The following SLC30A8 variants were observed in gnomAD, a reference collection of about 807,000 sequenced individuals.
SLC30A8 encodes the protein solute carrier family 30 member 8.
Under a neutral mutation model 36.9 loss-of-function variants are expected in SLC30A8, and 27 were observed. The observed-to-expected ratio is 0.73, with a 90% confidence interval of 0.54 to 1.01. The LOEUF (loss-of-function observed/expected upper bound fraction) is 1.01, where lower values mean the gene tolerates loss of function less well. SLC30A8 is among the 50% of genes least tolerant of loss of function. SLC30A8 has a pLI of 0.00. For synonymous variants in SLC30A8, 164 were observed against 172.4 expected, an observed-to-expected ratio of 0.95 and a Z score of 0.38; for missense variants, 439 against 452.0, an observed-to-expected ratio of 0.97 and a Z score of 0.26.
chr8:117,152,951 C>T lies in SLC30A8; in HGVS notation c.279C>T (p.His93=). 2 of 1,602,344 alleles carry T rather than the reference C, an allele frequency of 1.2e-6. No homozygotes were observed. Among genetic ancestry groups the T allele is most frequent in the South Asian group, 1.1e-5 (1 of 89,358 alleles). The change falls in exon 3 of 8, where the codon CAC becomes CAT. Residue 93 remains histidine, a synonymous_variant. Transcript: ENST00000456015. ...CTATTTTGCATTCTCTAGGTGGGCA[C>T]ATTGCTGGGAGTCTTGCTGTTGTCA... The part of the protein sequence containing the change: ...IFMIAEVVGG[H]IAGSLAVVTD...
intron 2 of SLC30A8, among the ~76,000 whole-genome samples, chr8:117,070,356 C>A (rs995187455): frequency 1.3e-5 from 2 of 152,094 alleles, no homozygotes; most frequent in African/African-American, 4.8e-5. Flanking sequence ...TGGTGCTGAC[C>A]ACCCACAAAG....
At chr8:117,135,509 T>C (rs560496557) in intron 1 of SLC30A8, 111 bp downstream of exon 1, 1 of 651,018 alleles carries the variant, frequency 1.5e-6, no homozygotes, top group Admixed American at 2.9e-5. Flanking sequence ...GGGGGCACTC[T>C]GGAACATTTT....
chr8:117,101,855 C>G (rs1370840305), intron 2 of SLC30A8, among the ~76,000 whole-genome samples: 2 of 152,182 alleles, frequency 1.3e-5, no homozygotes, highest in African/African-American at 2.4e-5. Flanking sequence ...GACTTCCTTG[C>G]TTTTCAGCTT....
chr8:117,123,128 A>G (rs911272503), intron 2 of SLC30A8, among the ~76,000 whole-genome samples: 2 of 151,976 alleles, frequency 1.3e-5, no homozygotes, highest in Non-Finnish European at 2.9e-5. Flanking sequence ...ACCTCAGGTC[A>G]GGCTTCATCT....
At chr8:117,084,656 TG>T (rs1453492012) in intron 2 of SLC30A8, among the ~76,000 whole-genome samples, 1 of 152,098 alleles carries the variant, frequency 6.6e-6, no homozygotes, top group East Asian at 1.9e-4. Context: ...CCCGGACTTT[TG>T]TGTTTTTATA....
At chr8:117,002,196 T>C (rs1310878875) in intron 1 of SLC30A8, among the ~76,000 whole-genome samples, 3 of 152,228 alleles carry the variant, frequency 2.0e-5, no homozygotes, top group Non-Finnish European at 4.4e-5. Context: ...TAGCTGTCAA[T>C]TGAGAAAGTT....
At chr8:116,973,495 C>T (rs10113776) in intron 1 of SLC30A8, among the ~76,000 whole-genome samples, 51,190 of 151,788 alleles carry the variant, frequency 0.34, 9,190 homozygotes, top group East Asian at 0.54. Context: ...TGTGAAGGAC[C>T]TCTTCAGGGA....
Position 117,030,479 on chromosome 8 carries a change from T to C in SLC30A8, c.-265-8740T>C, listed in dbSNP as rs11992266. On this transcript the variant is annotated intron_variant, in intron 1 of 10. Transcript: ENST00000427715. ...TTTCCAATGTTCTTACCAGTTCTTT[T>C]TTTGAGTGAATCTAAGGCATGCTCA... is the stretch of plus-strand genomic sequence containing the variant. Among the ~76,000 whole-genome samples, 563 of 152,320 alleles carry C rather than the reference T, an allele frequency of 3.7e-3. 4 individuals are homozygous for C. The highest frequency in any genetic ancestry group is 0.012 in the African/African-American group (517 of 41,576).
At chr8:116,973,985 T>C (rs1041311944) in intron 1 of SLC30A8, among the ~76,000 whole-genome samples, 2 of 152,206 alleles carry the variant, frequency 1.3e-5, no homozygotes, top group African/African-American at 2.4e-5. Flanking sequence ...TGGCTAGCCA[T>C]ATGTAGAAAG....
chr8:117,097,718 T>G (rs1199013460), intron 2 of SLC30A8, among the ~76,000 whole-genome samples: 1 of 41,420 alleles, frequency 2.4e-5, no homozygotes, highest in Non-Finnish European at 3.3e-5. Context: ...AAATAATATA[T>G]ATTATATATA....
At chr8:117,075,940 C>A (rs369870968) in intron 2 of SLC30A8, among the ~76,000 whole-genome samples, 2 of 152,148 alleles carry the variant, frequency 1.3e-5, no homozygotes, top group African/African-American at 4.8e-5. Context: ...TATTCAGATA[C>A]ACAATATGGG....
chr8:117,167,631 C>CATAG (rs1823132179), intron 6 of SLC30A8, among the ~76,000 whole-genome samples: 1 of 152,036 alleles, frequency 6.6e-6, no homozygotes, highest in Non-Finnish European at 1.5e-5. Context: ...TTAGCACATA[C>CATAG]ATAGATATAC....
rs190169949 is a variant in SLC30A8, at chr8:116,956,548, A to G, written c.-266+5429A>G. Among the ~76,000 whole-genome samples, 6 of 152,366 alleles carry G rather than the reference A, an allele frequency of 3.9e-5. No individual in the cohort carries two copies. The East Asian group carries it at 1.2e-3, about 29-fold the overall frequency. ...TAAAAATCATGCTTACAACGAAAAT[A>G]CAATTCATTGGATTTAAAAGCATGT... On this transcript the variant is annotated intron_variant, in intron 1 of 10. Coordinates refer to the SLC30A8 transcript ENST00000427715.
chr8:117,172,447 T>C (rs1823429078), intron 7 of SLC30A8, 89 bp from the exon 8 acceptor site: 5 of 1,580,322 alleles, frequency 3.2e-6, no homozygotes, highest in Non-Finnish European at 4.3e-6. Context: ...CCCCAGCAGG[T>C]CAAAGACAAA....
intron 1 of SLC30A8, among the ~76,000 whole-genome samples, chr8:117,013,406 T>G (rs3019885): frequency 0.36 from 54,739 of 152,136 alleles, 11,181 homozygotes; most frequent in Admixed American, 0.49. Context: ...ATACAAGGAC[T>G]GAGCAGCAGA....
At chr8:116,995,846 T>A (rs987413347) in intron 1 of SLC30A8, among the ~76,000 whole-genome samples, 8 of 151,676 alleles carry the variant, frequency 5.3e-5, no homozygotes, top group African/African-American at 1.7e-4. Flanking sequence ...CCTGCACAGA[T>A]AACGCACAAT....
chr8:117,010,094 A>G (rs1247391948), intron 1 of SLC30A8, among the ~76,000 whole-genome samples: 2 of 152,188 alleles, frequency 1.3e-5, no homozygotes. Context: ...GGGACAGCAC[A>G]TGTAAAAAAA....
chr8:117,038,279 C>T (rs1242131491), intron 1 of SLC30A8, among the ~76,000 whole-genome samples: 1 of 152,118 alleles, frequency 6.6e-6, no homozygotes, highest in African/African-American at 2.4e-5. Flanking sequence ...TATTGTACAT[C>T]TTTTTTTATT....
At position 117,128,478 on chromosome 8, in the gene SLC30A8, C is replaced by G. The variant is rs997059112; in HGVS notation, c.-225-6802C>G. Reference sequence around the variant, plus strand: ...GCGCACGCACGCGTCTGTGTGTGTGCTCATAAACACACAAAGAATTTGATA... The same window carrying G: ...GCGCACGCACGCGTCTGTGTGTGTGGTCATAAACACACAAAGAATTTGATA... On this transcript the variant is annotated intron_variant, in intron 2 of 10. Coordinates refer to the SLC30A8 transcript ENST00000427715. 3.5e-4 allele frequency: 53 copies of G among 151,928 alleles called. 1 individual carries two copies. The highest frequency in any genetic ancestry group is 3.4e-3 in the Admixed American group (52 of 15,248). 9.4% of individuals were successfully genotyped at this position (151,928 alleles called of 1,614,324 possible).
Sources: allele counts gnomAD v4.1 joint callset (sites outside exome capture counted in the v4.1 genomes callset), GRCh38; gene constraint gnomAD v4.1.1; transcripts MANE v1.5; gene names NCBI Gene and HGNC (gene_info 2026-07-23, HGNC 2026-07-21).